Variants in AGAP1 observed in about 807,000 individuals in gnomAD.
The protein encoded by AGAP1 is ArfGAP with GTPase domain, ankyrin repeat and PH domain 1.
In AGAP1, 29 loss-of-function variants were observed where a neutral mutation model predicts 105.3. The observed-to-expected ratio is 0.28, with a 90% confidence interval of 0.21 to 0.38. The LOEUF (loss-of-function observed/expected upper bound fraction) is 0.38. AGAP1 is among the 10% of genes least tolerant of loss of function. AGAP1 has a pLI of 1.00. For missense variants in AGAP1, 998 were observed against 1,165.1 expected (o/e 0.86, Z 2.09); for synonymous variants, 509 against 485.9 (o/e 1.05, Z -0.63).
intron 13 of AGAP1, among the ~76,000 whole-genome samples, chr2:235,984,942 A>T (rs903485587): frequency 1.3e-5 from 2 of 152,156 alleles, no homozygotes; most frequent in African/African-American, 2.4e-5. Context: ...TAGCAGAATG[A>T]TTTATATTCC....
chr2:235,667,616 A>G (rs2149348903), intron 1 of AGAP1, among the ~76,000 whole-genome samples: 1 of 152,206 alleles, frequency 6.6e-6, no homozygotes, highest in South Asian at 2.1e-4. Flanking sequence ...TGACAGATGA[A>G]TCCCGCCTGG....
At chr2:235,760,659 C>T (rs1399426766) in intron 6 of AGAP1, among the ~76,000 whole-genome samples, 1 of 152,184 alleles carries the variant, frequency 6.6e-6, no homozygotes. Context: ...CATCATAGCT[C>T]ACTGCAGTTT....
intron 15 of AGAP1, among the ~76,000 whole-genome samples, chr2:236,047,250 G>T (rs1386049273): frequency 6.6e-6 from 1 of 152,146 alleles, no homozygotes; most frequent in African/African-American, 2.4e-5. Context: ...TGCGTCCATG[G>T]TCAGGAGGTA....
rs969250313 is a variant in AGAP1, at chr2:235,584,575, C to T, written c.163+89726C>T. ...GCCATGTCACGATGGAGGCAAAGGT[C>T]GGAGCAAGCTGTGCTAGGAAGAGGC... On this transcript the variant is annotated intron_variant, in intron 1 of 17. Coordinates refer to ENST00000304032, the MANE Select transcript of AGAP1 (RefSeq NM_001037131.3). 6.6e-5 allele frequency among the ~76,000 whole-genome samples: 10 copies of T among 151,590 alleles called. No individual in the cohort carries two copies. In the South Asian group the frequency reaches 1.9e-3, roughly 29 times the overall value.
chr2:235,821,406 C>T (rs1441923820), intron 9 of AGAP1, among the ~76,000 whole-genome samples: 5 of 125,510 alleles, frequency 4.0e-5, no homozygotes, highest in East Asian at 2.3e-4. Flanking sequence ...TTTTTTGAGA[C>T]GGGGTCTCGC....
At chr2:235,519,326 G>T (rs1003769241) in intron 1 of AGAP1, among the ~76,000 whole-genome samples, 2 of 151,980 alleles carry the variant, frequency 1.3e-5, no homozygotes, top group Non-Finnish European at 2.9e-5. Context: ...TCCCACTATG[G>T]CCTCCCGAGT....
At chr2:235,873,549 C>T (rs570642261) in intron 9 of AGAP1, among the ~76,000 whole-genome samples, 4 of 152,034 alleles carry the variant, frequency 2.6e-5, no homozygotes, top group South Asian at 4.2e-4. Context: ...GACTCTCTGA[C>T]GTCAAAGATC....
chr2:235,848,892 C>T (rs763852388), intron 9 of AGAP1, among the ~76,000 whole-genome samples: 1 of 152,156 alleles, frequency 6.6e-6, no homozygotes, highest in African/African-American at 2.4e-5. Context: ...TGTTGTTGCT[C>T]CTTCCTGCCC....
chr2:235,567,006 C>T (rs1018295891), intron 1 of AGAP1, among the ~76,000 whole-genome samples: 2 of 152,186 alleles, frequency 1.3e-5, no homozygotes, highest in African/African-American at 2.4e-5. Context: ...TCTGTTATCA[C>T]GTGCCCTCTT....
chr2:236,028,573 T>C (rs1214410510), intron 13 of AGAP1, among the ~76,000 whole-genome samples: 1 of 152,248 alleles, frequency 6.6e-6, no homozygotes, highest in Non-Finnish European at 1.5e-5. Context: ...TCATCTTATA[T>C]CTTGCCCATT....
intron 9 of AGAP1, among the ~76,000 whole-genome samples, chr2:235,819,900 C>T (rs1298500177): frequency 7.6e-5 from 10 of 131,308 alleles, no homozygotes; most frequent in Admixed American, 8.5e-5. Context: ...TTTCTTCTTT[C>T]TTTCTTTTTT....
chr2:235,595,704 T>C (rs1945504387), intron 1 of AGAP1, among the ~76,000 whole-genome samples: 1 of 152,074 alleles, frequency 6.6e-6, no homozygotes, highest in South Asian at 2.1e-4. Context: ...CACTAATAAA[T>C]CCCCTGCTGA....
chr2:235,617,176 CA>C (rs1395615506), intron 1 of AGAP1, among the ~76,000 whole-genome samples: 1 of 152,058 alleles, frequency 6.6e-6, no homozygotes, highest in Non-Finnish European at 1.5e-5. Flanking sequence ...AAACACAAAA[CA>C]AACATGTGTG....
intron 9 of AGAP1, among the ~76,000 whole-genome samples, chr2:235,831,273 G>A (rs191879788): frequency 6.6e-6 from 1 of 151,252 alleles, no homozygotes; most frequent in East Asian, 1.9e-4. Flanking sequence ...CACAGCCTCC[G>A]CCATTGTCCC....
chr2:235,516,428 T>A (rs776798101), intron 1 of AGAP1, among the ~76,000 whole-genome samples: 1 of 152,144 alleles, frequency 6.6e-6, no homozygotes, highest in Non-Finnish European at 1.5e-5. Context: ...GCAGTATATG[T>A]CATGTCTAAG....
intron 1 of AGAP1, chr2:235,507,640 C>T (rs1422818393): frequency 6.6e-6 from 1 of 152,146 alleles, no homozygotes; most frequent in East Asian, 1.9e-4. Flanking sequence ...TTTTGTTATC[C>T]TGGTCACTGC....
chr2:236,128,637 C>T lies in AGAP1; in HGVS notation c.*4515C>T. 6.6e-6 allele frequency: 1 copy of T among 152,326 alleles called. No homozygotes were observed. The highest frequency in any genetic ancestry group is 1.5e-5 in the Non-Finnish European group (1 of 68,070). The allele number at this position is 152,326 out of a possible 1,614,324, so 9.4% of individuals were successfully genotyped here. ...CAATGTGCCGTAGGCGCTCTAGGTC[C>T]CCGTGGCGCCCAGGACACCAACTCT... On this transcript the variant is annotated 3_prime_UTR_variant, in exon 18 of 18. Transcript: ENST00000304032. This position sits in a 1 kb window ranked among gnomAD's most constrained non-coding sequence, Gnocchi z 5.9.
At chr2:235,912,241 G>A (rs1311161117) in intron 11 of AGAP1, among the ~76,000 whole-genome samples, 1 of 152,166 alleles carries the variant, frequency 6.6e-6, no homozygotes, top group East Asian at 1.9e-4. Flanking sequence ...GGGGATTTGA[G>A]TTTTTATACT....
intron 1 of AGAP1, among the ~76,000 whole-genome samples, chr2:235,537,157 C>A (rs936119858): frequency 6.6e-6 from 1 of 152,198 alleles, no homozygotes; most frequent in Admixed American, 6.5e-5. Context: ...ACAATAAGCA[C>A]AATTTAGTAA....
Sources: allele counts gnomAD v4.1 joint callset (sites outside exome capture counted in the v4.1 genomes callset), GRCh38; gene constraint gnomAD v4.1.1; non-coding constraint Gnocchi (gnomAD v3.1); transcripts MANE v1.5; gene names NCBI Gene and HGNC (gene_info 2026-07-23, HGNC 2026-07-21).